Variants in TSNARE1 observed in about 807,000 individuals in gnomAD.
TSNARE1 encodes t-SNARE domain-containing protein 1.
TSNARE1 carries 49 observed loss-of-function variants against 62.0 expected under a neutral mutation model. The ratio of observed to expected loss-of-function variants is 0.79; its 90% CI spans 0.63 to 1.00. TSNARE1 has a LOEUF of 1.00. Among genes scored for constraint, TSNARE1 ranks in the 50% least tolerant of loss-of-function variants. TSNARE1 has a pLI of 0.00. For missense variants in TSNARE1, 755 were observed against 700.1 expected (o/e 1.08, Z -0.88); for synonymous variants, 328 against 294.4 (o/e 1.11, Z -1.17).
At chr8:142,230,530 G>C (rs1817051675) in intron 12 of TSNARE1, among the ~76,000 whole-genome samples, 1 of 152,154 alleles carries the variant, frequency 6.6e-6, no homozygotes, top group Non-Finnish European at 1.5e-5. Context: ...TCTGAGACAA[G>C]GATGCCAGAC....
At chr8:142,333,122 G>A (rs944746877) in intron 4 of TSNARE1, among the ~76,000 whole-genome samples, 1 of 152,212 alleles carries the variant, frequency 6.6e-6, no homozygotes, top group African/African-American at 2.4e-5. Context: ...GGACCCTCCT[G>A]GGTGAGGGCC....
At chr8:142,323,510 G>A (rs982500838) in intron 6 of TSNARE1, among the ~76,000 whole-genome samples, 2 of 152,232 alleles carry the variant, frequency 1.3e-5, no homozygotes, top group African/African-American at 4.8e-5. Flanking sequence ...TGCTGGCAAG[G>A]GGAGGCCTCG....
At chr8:142,336,083 G>C (rs1253750051) in intron 4 of TSNARE1, among the ~76,000 whole-genome samples, 1 of 152,112 alleles carries the variant, frequency 6.6e-6, no homozygotes, top group African/African-American at 2.4e-5. Context: ...AGAAGTTCAA[G>C]ATCAGCCTGG....
At chr8:142,331,666 AG>A in intron 5 of TSNARE1, 87 bp downstream of exon 5, 1 of 1,296,106 alleles carries the variant, frequency 7.7e-7, no homozygotes, top group Non-Finnish European at 1.1e-6. Context: ...TGAGGGGGGA[AG>A]CCATCCAGCA....
intron 13 of TSNARE1, among the ~76,000 whole-genome samples, chr8:142,222,141 T>TTCAC (rs1361111426): frequency 8.9e-6 from 1 of 112,066 alleles, no homozygotes; most frequent in African/African-American, 3.5e-5. Context: ...CATCCACTCA[T>TTCAC]TCACTCACTC....
At chr8:142,297,404 C>T (rs996067670) in intron 10 of TSNARE1, among the ~76,000 whole-genome samples, 1 of 152,250 alleles carries the variant, frequency 6.6e-6, no homozygotes, top group African/African-American at 2.4e-5. Context: ...TCAGCTGGCC[C>T]GTGTGTTCAC....
chr8:142,294,767 G>C (rs1295087769), intron 10 of TSNARE1, among the ~76,000 whole-genome samples: 2 of 152,230 alleles, frequency 1.3e-5, no homozygotes, highest in Non-Finnish European at 2.9e-5. Flanking sequence ...GCAGGGACGG[G>C]CAGTGGCTCC....
intron 1 of TSNARE1, among the ~76,000 whole-genome samples, chr8:142,372,959 C>A (rs1386728297): frequency 2.6e-5 from 4 of 152,218 alleles, no homozygotes; most frequent in Non-Finnish European, 5.9e-5. Flanking sequence ...GGCCTCTTGG[C>A]CAAGCCCCTG....
At chr8:142,278,445 A>C in intron 11 of TSNARE1, 1 of 985,418 alleles carries the variant, frequency 1.0e-6, no homozygotes. Context: ...CTTCGTTCCC[A>C]AAGTCCTTCC....
At chr8:142,373,888 G>T (rs1052190025) in intron 1 of TSNARE1, among the ~76,000 whole-genome samples, 2 of 152,156 alleles carry the variant, frequency 1.3e-5, no homozygotes, top group African/African-American at 2.4e-5. Flanking sequence ...AGCACAGCCA[G>T]CGGCACACCC....
intron 10 of TSNARE1, among the ~76,000 whole-genome samples, chr8:142,287,805 G>C (rs1449403623): frequency 5.4e-5 from 8 of 147,000 alleles, no homozygotes; most frequent in African/African-American, 2.0e-4. Context: ...CACCCTCCAG[G>C]ATGTGGAACC....
chr8:142,272,247 T>C (rs572076815), intron 12 of TSNARE1, among the ~76,000 whole-genome samples: 32 of 149,516 alleles, frequency 2.1e-4, no homozygotes, highest in African/African-American at 5.4e-4. Context: ...CATCTACCCA[T>C]CCACCTGCCC....
intron 9 of TSNARE1, 139 bp from the exon 10 acceptor site, chr8:142,300,783 G>GACGATCTGGGTCTGAGGCA: frequency 9.2e-7 from 1 of 1,092,546 alleles, no homozygotes; most frequent in Non-Finnish European, 1.3e-6. Flanking sequence ...GGTCTGAGGC[G>GACGATCTGGGTCTGAGGCA]GGGGCCTTCT....
chr8:142,398,830 A>T (rs1838086691), intron 1 of TSNARE1, among the ~76,000 whole-genome samples: 1 of 152,310 alleles, frequency 6.6e-6, no homozygotes, highest in Admixed American at 6.5e-5. Flanking sequence ...GTGGCCCCCA[A>T]GTGGGTTCAC....
intron 4 of TSNARE1, among the ~76,000 whole-genome samples, chr8:142,339,229 C>T (rs970524566): frequency 2.6e-5 from 4 of 152,116 alleles, no homozygotes; most frequent in Non-Finnish European, 4.4e-5. Flanking sequence ...CTGATGATCA[C>T]TTCCCCAGCT....
intron 1 of TSNARE1, among the ~76,000 whole-genome samples, chr8:142,398,218 A>ACGCACCCCCAAACCCCCCCAAAG (rs1838033449): frequency 6.9e-6 from 1 of 145,482 alleles, no homozygotes; most frequent in African/African-American, 2.6e-5. Context: ...CCTGCCCAAA[A>ACGCACCCCCAAACCCCCCCAAAG]CGCACCCCCA....
intron 9 of TSNARE1, among the ~76,000 whole-genome samples, chr8:142,307,805 CCAAAGTGGTGATG>C (rs1389540011): frequency 6.6e-6 from 1 of 152,168 alleles, no homozygotes; most frequent in Admixed American, 6.5e-5. Flanking sequence ...GAACAGTGTT[CCAAAGTGGTGATG>C]CAAAGGCACA....
At chr8:142,392,191 T>C (rs1837579549) in intron 1 of TSNARE1, among the ~76,000 whole-genome samples, 1 of 152,092 alleles carries the variant, frequency 6.6e-6, no homozygotes, top group Admixed American at 6.5e-5. Flanking sequence ...GCCCGGCTAA[T>C]TTTTGCATTT....
intron 10 of TSNARE1, among the ~76,000 whole-genome samples, chr8:142,286,258 C>G (rs748676742): frequency 2.0e-5 from 3 of 152,202 alleles, no homozygotes; most frequent in African/African-American, 7.2e-5. Context: ...TGCCGTGACC[C>G]CTGCCCTGGC....
Sources: allele counts gnomAD v4.1 joint callset (sites outside exome capture counted in the v4.1 genomes callset), GRCh38; gene constraint gnomAD v4.1.1; transcripts MANE v1.5; gene names NCBI Gene and HGNC (gene_info 2026-07-23, HGNC 2026-07-21).